The following PLS3 variants were observed in gnomAD, a reference collection of about 807,000 sequenced individuals.
PLS3 encodes the protein plastin-3.
A neutral mutation model predicts 46.5 loss-of-function variants in PLS3; 11 were observed. The ratio of observed to expected loss-of-function variants is 0.24; its 90% CI spans 0.15 to 0.39. The LOEUF (loss-of-function observed/expected upper bound fraction) is 0.39. Among genes scored for constraint, PLS3 ranks in the 10% least tolerant of loss-of-function variants. The pLI is 1.00. For synonymous variants in PLS3, 167 were observed against 162.2 expected (o/e 1.03, Z -0.22); for missense variants, 308 against 461.8 (o/e 0.67, Z 3.05).
At chrX:115,632,120 A>G (rs1461897127) in intron 5 of PLS3, among the ~76,000 whole-genome samples, 1 of 111,527 alleles carries the variant, frequency 9.0e-6, no homozygotes, top group Non-Finnish European at 1.9e-5. Flanking sequence ...GCATTTTAAT[A>G]TAGAGAGAAG....
rs182498279 is a variant in PLS3 at position 115,581,458 on chromosome X, T to A, written c.-9+20198T>A. On this transcript the variant is annotated intron_variant, in intron 1 of 15. Coordinates refer to ENST00000355899, the MANE Select transcript of PLS3 (RefSeq NM_005032.7). ...AAATTACAAAAAGCATCTGATAAACTTCTTAATTTAAAAGAACACTCAGAA... is the reference window on the plus strand; with the variant it reads ...AAATTACAAAAAGCATCTGATAAACATCTTAATTTAAAAGAACACTCAGAA... Among the ~76,000 whole-genome samples the A allele has an allele frequency of 1.5e-4, 17 of 112,356 alleles. No homozygotes were observed. In the East Asian group the frequency reaches 4.7e-3, roughly 31 times the overall value.
intron 2 of PLS3, chrX:115,614,626 G>C: frequency 1.8e-6 from 1 of 553,424 alleles, no homozygotes; most frequent in Non-Finnish European, 2.2e-6. Flanking sequence ...CCTAATGAAA[G>C]CTTGATTTCA....
chrX:115,608,617 A>G (rs1556635696), intron 1 of PLS3, among the ~76,000 whole-genome samples: 1 of 112,140 alleles, frequency 8.9e-6, no homozygotes, highest in Non-Finnish European at 1.9e-5. Context: ...GCATAAGATT[A>G]TAATACTATA....
chrX:115,599,471 T>TGATCATGCCACTGCACTGCAGC lies in PLS3; in HGVS notation c.-8-10771_-8-10750dup, dbSNP rs782358018. On this transcript the variant is annotated intron_variant, in intron 1 of 15. Transcript: ENST00000355899. Reference sequence around the variant, plus strand: ...TGAGGCCAGGAGTTGGAGGCTGCAGTGATCATGCCACTGCACTGCAGCCTG... The same window carrying TGATCATGCCACTGCACTGCAGC: ...TGAGGCCAGGAGTTGGAGGCTGCAGTGATCATGCCACTGCACTGCAGCGATCATGCCACTGCACTGCAGCCTG... Among the ~76,000 whole-genome samples the TGATCATGCCACTGCACTGCAGC allele has an allele frequency of 6.0e-3, 583 of 97,969 alleles. 2 individuals are homozygous for TGATCATGCCACTGCACTGCAGC. Among genetic ancestry groups the TGATCATGCCACTGCACTGCAGC allele is most frequent in the African/African-American group, 0.02 (527 of 25,958 alleles). 85.1% of individuals were successfully genotyped at this position (97,969 alleles called of 115,157 possible). A position where few individuals can be genotyped will look rare whatever the true frequency, so the allele number is the denominator to read the frequency against.
At chrX:115,622,684 T>G (rs2074668822) in intron 3 of PLS3, among the ~76,000 whole-genome samples, 1 of 111,294 alleles carries the variant, frequency 9.0e-6, no homozygotes, top group Non-Finnish European at 1.9e-5. Flanking sequence ...TCCTTTCATG[T>G]CATCATTAAA....
chrX:115,631,291 G>T (rs1044346656), intron 5 of PLS3, among the ~76,000 whole-genome samples: 1 of 108,446 alleles, frequency 9.2e-6, no homozygotes, highest in Non-Finnish European at 1.9e-5. Context: ...GGCTGGTCTC[G>T]AACTCCAGAC....
At chrX:115,610,139 A>G (rs2074533823) in intron 1 of PLS3, 104 bp from the exon 2 acceptor site, 1 of 355,016 alleles carries the variant, frequency 2.8e-6, no homozygotes. Flanking sequence ...TTGTTTTGAT[A>G]GTTTGAAATT....
chrX:115,583,689 T>C (rs2074291519), intron 1 of PLS3, among the ~76,000 whole-genome samples: 1 of 112,474 alleles, frequency 8.9e-6, no homozygotes, highest in East Asian at 2.8e-4. Context: ...GGATTTTATA[T>C]GTCTTCCTAA....
intron 1 of PLS3, among the ~76,000 whole-genome samples, chrX:115,595,687 CTTTTTTTTTTTT>C (rs35860715): frequency 1.2e-5 from 1 of 82,975 alleles, no homozygotes; most frequent in Non-Finnish European, 2.3e-5. Context: ...TATTTTCTTT[CTTTTTTTTTTTT>C]TTTTTTTTGA....
At chrX:115,648,127 T>C in intron 15 of PLS3, 110 bp downstream of exon 15, 1 of 529,264 alleles carries the variant, frequency 1.9e-6, no homozygotes, top group Non-Finnish European at 3.1e-6. Flanking sequence ...GGGAGAAACC[T>C]CTTGGAGCCT....
intron 1 of PLS3, among the ~76,000 whole-genome samples, chrX:115,561,739 T>A (rs1437113794): frequency 1.8e-5 from 2 of 110,341 alleles, no homozygotes; most frequent in African/African-American, 6.6e-5. Context: ...AGCAGCCTGC[T>A]ACTCCTCCAG....
At chrX:115,619,235 G>C (rs1219980446) in intron 2 of PLS3, among the ~76,000 whole-genome samples, 4 of 112,253 alleles carry the variant, frequency 3.6e-5, no homozygotes, top group African/African-American at 1.3e-4. Context: ...AGGACCTGAA[G>C]AGGTAACTTG....
At chrX:115,629,395 C>T (rs948329940) in intron 4 of PLS3, 68 bp downstream of exon 4, 17 of 939,904 alleles carry the variant, frequency 1.8e-5, no homozygotes, top group East Asian at 1.3e-4. Context: ...ATGTCAAGGA[C>T]GGGCTCTAGA....
chrX:115,565,958 TTGCAGTCTGGACAGATAGA>T (rs1556630052), intron 1 of PLS3, among the ~76,000 whole-genome samples: 1 of 112,384 alleles, frequency 8.9e-6, no homozygotes, highest in Non-Finnish European at 1.9e-5. Flanking sequence ...TTTTAGTCCT[TTGCAGTCTGGACAGATAGA>T]TGATCTTAAG....
At chrX:115,600,151 T>C (rs2074428881) in intron 1 of PLS3, among the ~76,000 whole-genome samples, 1 of 111,227 alleles carries the variant, frequency 9.0e-6, no homozygotes, top group African/African-American at 3.3e-5. Flanking sequence ...GAGTATTTTA[T>C]TCATTTTTTA....
intron 1 of PLS3, among the ~76,000 whole-genome samples, chrX:115,592,826 A>T (rs1418003368): frequency 2.7e-5 from 3 of 111,473 alleles, no homozygotes; most frequent in African/African-American, 9.8e-5. Flanking sequence ...AAATAGAGGC[A>T]GAAGAGTTTT....
At chrX:115,563,994 T>C (rs782413961) in intron 1 of PLS3, among the ~76,000 whole-genome samples, 3 of 112,137 alleles carry the variant, frequency 2.7e-5, no homozygotes, top group African/African-American at 6.5e-5. Context: ...TGTGAAATCA[T>C]GTCTAAACAG....
chrX:115,570,354 T>A (rs2074205349), intron 1 of PLS3, among the ~76,000 whole-genome samples: 1 of 111,192 alleles, frequency 9.0e-6, no homozygotes, highest in African/African-American at 3.3e-5. Context: ...CTCATAATTA[T>A]TATATGAGAA....
At chrX:115,586,204 C>G (rs1053651822) in intron 1 of PLS3, among the ~76,000 whole-genome samples, 1 of 106,656 alleles carries the variant, frequency 9.4e-6, no homozygotes, top group Non-Finnish European at 1.9e-5. Context: ...AGGCTAGTCT[C>G]GAACTCCAGA....
Sources: allele counts gnomAD v4.1 joint callset (sites outside exome capture counted in the v4.1 genomes callset), GRCh38; gene constraint gnomAD v4.1.1; transcripts MANE v1.5; gene names NCBI Gene and HGNC (gene_info 2026-07-23, HGNC 2026-07-21).